The following TSHZ2 variants were observed in gnomAD, a reference collection of about 807,000 sequenced individuals.
TSHZ2 encodes teashirt zinc finger homeobox 2.
TSHZ2 carries 21 observed loss-of-function variants against 74.4 expected under a neutral mutation model. The ratio of observed to expected loss-of-function variants is 0.28; its 90% CI spans 0.20 to 0.41. TSHZ2 has a LOEUF of 0.41. TSHZ2 is among the 10% of genes least tolerant of loss of function. TSHZ2 has a pLI of 1.00. For missense variants in TSHZ2, 1,244 were observed against 1,293.5 expected (o/e 0.96, Z 0.59); for synonymous variants, 540 against 515.3 (o/e 1.05, Z -0.65).
At chr20:53,078,895 C>A (rs1985446496) in intron 1 of TSHZ2, among the ~76,000 whole-genome samples, 1 of 152,104 alleles carries the variant, frequency 6.6e-6, no homozygotes, top group African/African-American at 2.4e-5. Flanking sequence ...AGGGAGAAGA[C>A]CATTGGGTAC....
chr20:53,380,242 ACTCCTAC>A (rs1355645923), intron 2 of TSHZ2, among the ~76,000 whole-genome samples: 1 of 151,978 alleles, frequency 6.6e-6, no homozygotes, highest in Non-Finnish European at 1.5e-5. Context: ...AAAATATGGG[ACTCCTAC>A]CTGCAATAGA....
At chr20:53,029,595 G>A (rs1235530924) in intron 1 of TSHZ2, among the ~76,000 whole-genome samples, 4 of 152,226 alleles carry the variant, frequency 2.6e-5, no homozygotes, top group Non-Finnish European at 5.9e-5. Context: ...AGAATTGCTT[G>A]AACCCTGGAG....
At chr20:53,286,920 CA>C (rs1322234420) in intron 2 of TSHZ2, among the ~76,000 whole-genome samples, 114 of 146,174 alleles carry the variant, frequency 7.8e-4, no homozygotes, top group Non-Finnish European at 1.4e-3. Context: ...CACACACACA[CA>C]CACACGTAAC....
At chr20:53,454,709 C>A (rs1984979223) in intron 2 of TSHZ2, among the ~76,000 whole-genome samples, 1 of 152,160 alleles carries the variant, frequency 6.6e-6, no homozygotes, top group African/African-American at 2.4e-5. Context: ...AGAACTGAAA[C>A]CCTCCCAATT....
At chr20:53,417,767 T>C (rs1190774570) in intron 2 of TSHZ2, among the ~76,000 whole-genome samples, 1 of 152,056 alleles carries the variant, frequency 6.6e-6, no homozygotes, top group African/African-American at 2.4e-5. Context: ...CAACAAAAAC[T>C]AAAAAATAGG....
chr20:53,403,750 C>A (rs1345961996), intron 2 of TSHZ2, among the ~76,000 whole-genome samples: 2 of 152,186 alleles, frequency 1.3e-5, no homozygotes, highest in African/African-American at 2.4e-5. Context: ...GTGGATTTGT[C>A]AAACTAGCCC....
chr20:53,250,294 A>G (rs1990295591), intron 1 of TSHZ2, among the ~76,000 whole-genome samples: 1 of 152,168 alleles, frequency 6.6e-6, no homozygotes, highest in Non-Finnish European at 1.5e-5. Context: ...CCACTCATCC[A>G]CTTATCCTAA....
At chr20:53,119,320 C>A (rs980326471) in intron 1 of TSHZ2, among the ~76,000 whole-genome samples, 3 of 152,178 alleles carry the variant, frequency 2.0e-5, no homozygotes, top group African/African-American at 7.2e-5. Context: ...TTCTAGATAT[C>A]GGTGTCACAT....
intron 1 of TSHZ2, among the ~76,000 whole-genome samples, chr20:53,095,234 C>G (rs1421485951): frequency 6.6e-6 from 1 of 152,232 alleles, no homozygotes; most frequent in African/African-American, 2.4e-5. Flanking sequence ...GGCAGTCTCT[C>G]TCCTCGTGGT....
At chr20:53,079,955 T>C (rs1257420219) in intron 1 of TSHZ2, among the ~76,000 whole-genome samples, 1 of 152,154 alleles carries the variant, frequency 6.6e-6, no homozygotes, top group African/African-American at 2.4e-5. Context: ...ACTTAGGTTA[T>C]TCAGTCTCTT....
At chr20:53,011,529 G>C (rs1260113885) in intron 1 of TSHZ2, among the ~76,000 whole-genome samples, 3 of 152,162 alleles carry the variant, frequency 2.0e-5, no homozygotes, top group Non-Finnish European at 4.4e-5. Flanking sequence ...AGAACTAGCA[G>C]ACTTATTCAG....
At chr20:52,997,256 C>A (rs1009613173) in intron 1 of TSHZ2, among the ~76,000 whole-genome samples, 1 of 117,860 alleles carries the variant, frequency 8.5e-6, no homozygotes, top group East Asian at 2.0e-4. Flanking sequence ...GCTCATCTTG[C>A]CCCGGGGGGG....
chr20:53,137,983 GC>G (rs1382801648), intron 1 of TSHZ2, among the ~76,000 whole-genome samples: 2 of 152,156 alleles, frequency 1.3e-5, no homozygotes, highest in Non-Finnish European at 2.9e-5. Context: ...CAAGTCAGTA[GC>G]CAGCCAGGAC....
intron 1 of TSHZ2, among the ~76,000 whole-genome samples, chr20:53,021,574 C>A (rs1983248338): frequency 6.6e-6 from 1 of 152,152 alleles, no homozygotes; most frequent in African/African-American, 2.4e-5. Flanking sequence ...GCATTTCTTC[C>A]AATAATTTCC....
At chr20:53,128,748 A>C (rs1185381802) in intron 1 of TSHZ2, among the ~76,000 whole-genome samples, 1 of 151,976 alleles carries the variant, frequency 6.6e-6, no homozygotes, top group Non-Finnish European at 1.5e-5. Context: ...CAGCCTCCCG[A>C]GTAGCTGGGA....
At chr20:53,225,991 TATA>T (rs1989675695) in intron 1 of TSHZ2, among the ~76,000 whole-genome samples, 1 of 152,206 alleles carries the variant, frequency 6.6e-6, no homozygotes, top group Admixed American at 6.5e-5. Flanking sequence ...TATAAAGTTA[TATA>T]ATAAGGAATA....
chr20:53,038,888 G>GT (rs1303872765), intron 1 of TSHZ2, among the ~76,000 whole-genome samples: 7 of 126,886 alleles, frequency 5.5e-5, no homozygotes, highest in East Asian at 2.1e-4. Context: ...GTTTTGTTTT[G>GT]TTTGTTTGTT....
intron 2 of TSHZ2, among the ~76,000 whole-genome samples, chr20:53,261,993 G>A (rs776206548): frequency 3.6e-4 from 55 of 152,262 alleles, no homozygotes; most frequent in Middle Eastern, 3.4e-3. Context: ...ACACACAATC[G>A]CCAGAGCTGC....
rs780601368 is a variant in TSHZ2 at position 53,253,680 on chromosome 20, G to T, written c.222G>T (p.Leu74Phe). 2 of 1,614,174 alleles carry T rather than the reference G, an allele frequency of 1.2e-6. No individual in the cohort carries two copies. The highest frequency in any genetic ancestry group is 2.2e-5 in the South Asian group (2 of 91,082). ...FSYQNSPGSH[L>F]SNQDAENESL... ...ACCAGAACTCTCCAGGAAGTCATTT[G>T]TCCAATCAGGATGCCGAGAACGAGT... The change falls in exon 2 of 3, where the codon TTG becomes TTT. Residue 74 changes from leucine to phenylalanine, a missense_variant. Around this residue, in one of 6 missense-constraint regions of TSHZ2, gnomAD observed 470 missense variants for 456.5 expected, o/e 1.03. Coordinates refer to ENST00000371497, the MANE Select transcript of TSHZ2 (RefSeq NM_173485.6).
Sources: gnomAD v4.1 joint callset for allele counts (sites outside exome capture counted in the v4.1 genomes callset) on GRCh38, gnomAD v4.1.1 for gene constraint, gnomAD v4.1.1 regional missense constraint, MANE v1.5 for transcripts, NCBI Gene and HGNC (gene_info 2026-07-23, HGNC 2026-07-21) for gene names.